LRCH1: variants seen among roughly 807,000 people sequenced by gnomAD.
The protein encoded by LRCH1 is leucine-rich repeat and calponin homology domain-containing protein 1.
LRCH1 carries 23 observed loss-of-function variants against 94.9 expected under a neutral mutation model. The ratio of observed to expected loss-of-function variants is 0.24; its 90% CI spans 0.17 to 0.34. The LOEUF (loss-of-function observed/expected upper bound fraction) is 0.34. Among genes scored for constraint, LRCH1 ranks in the 10% least tolerant of loss-of-function variants. The probability of loss-of-function intolerance (pLI) is 1.00; values close to 1 mark genes in which losing one functional copy is unlikely to be tolerated. For synonymous variants in LRCH1, 364 were observed against 354.9 expected, an observed-to-expected ratio of 1.03 and a Z score of -0.29; for missense variants, 790 against 945.9, an observed-to-expected ratio of 0.84 and a Z score of 2.16.
intron 1 of LRCH1, among the ~76,000 whole-genome samples, chr13:46,572,584 A>G (rs1327697731): frequency 6.6e-6 from 1 of 152,168 alleles, no homozygotes; most frequent in African/African-American, 2.4e-5. Context: ...GACTGTTTTC[A>G]TTATATTGAC....
intron 1 of LRCH1, among the ~76,000 whole-genome samples, chr13:46,603,370 C>G (rs1412914350): frequency 1.3e-5 from 2 of 152,112 alleles, no homozygotes; most frequent in African/African-American, 4.8e-5. Context: ...GCCCCATTCT[C>G]TTTCTGTCAG....
chr13:46,675,217 T>C (rs560949157), intron 3 of LRCH1, among the ~76,000 whole-genome samples: 1 of 152,366 alleles, frequency 6.6e-6, no homozygotes, highest in African/African-American at 2.4e-5. Flanking sequence ...CCATGTGTTA[T>C]AATTAACAGG....
At chr13:46,655,275 G>C (rs2051356460) in intron 2 of LRCH1, among the ~76,000 whole-genome samples, 1 of 152,094 alleles carries the variant, frequency 6.6e-6, no homozygotes, top group South Asian at 2.1e-4. Flanking sequence ...TCCTAAATTA[G>C]AGATAAATTT....
chr13:46,699,410 G>T lies in LRCH1; in HGVS notation c.1313+7G>T. Reference sequence around the variant, plus strand: ...ACTGGCAAACTGAGGGCATGTGAGTGCCGAGGCCTTGGTTACAAGCCATCA... The same window carrying T: ...ACTGGCAAACTGAGGGCATGTGAGTTCCGAGGCCTTGGTTACAAGCCATCA... On this transcript the variant is annotated splice_region_variant and intron_variant, in intron 10 of 19. Transcript: ENST00000389797. 6.2e-7 allele frequency: 1 copy of T among 1,613,368 alleles called. No individual in the cohort carries two copies. Among genetic ancestry groups the T allele is most frequent in the Non-Finnish European group, 8.5e-7 (1 of 1,179,300 alleles).
In LRCH1 at chr13:46,715,524, AAC is replaced by A; in HGVS notation, c.1655-35_1655-34del. 3 of 1,252,652 alleles carry A rather than the reference AAC, an allele frequency of 2.4e-6. No homozygotes were observed. In the South Asian group the frequency reaches 3.8e-5, roughly 16 times the overall value. The allele number at this position is 1,252,652 out of a possible 1,614,324, so 77.6% of individuals were successfully genotyped here. On this transcript the variant is annotated intron_variant, in intron 15 of 19. Coordinates refer to ENST00000389797, the MANE Select transcript of LRCH1 (RefSeq NM_001164211.2). ...CTTTGGTTTTTCCTGGTCCTTGTGC[AAC>A]TGTACGCGGACTGGCTCTCTGGCTC...
At chr13:46,581,510 A>G (rs941187904) in intron 1 of LRCH1, among the ~76,000 whole-genome samples, 2 of 152,250 alleles carry the variant, frequency 1.3e-5, no homozygotes, top group Admixed American at 6.5e-5. Context: ...GACCATGCAC[A>G]GTTCCAAGCA....
At chr13:46,608,722 A>G (rs1418806464) in intron 1 of LRCH1, among the ~76,000 whole-genome samples, 1 of 152,256 alleles carries the variant, frequency 6.6e-6, no homozygotes, top group Non-Finnish European at 1.5e-5. Context: ...TCTCTTGCTA[A>G]AAGAGTTAAT....
chr13:46,605,572 C>T (rs2050678717), intron 1 of LRCH1, among the ~76,000 whole-genome samples: 1 of 152,068 alleles, frequency 6.6e-6, no homozygotes. Flanking sequence ...CATTTTTCTT[C>T]TTCTTTTTTA....
At chr13:46,599,435 A>G (rs1201945251) in intron 1 of LRCH1, among the ~76,000 whole-genome samples, 2 of 152,168 alleles carry the variant, frequency 1.3e-5, no homozygotes, top group Non-Finnish European at 1.5e-5. Flanking sequence ...AATGTTTTCC[A>G]TGGTGGTTCC....
chr13:46,737,576 C>T (rs1167695340), intron 19 of LRCH1, among the ~76,000 whole-genome samples: 1 of 152,224 alleles, frequency 6.6e-6, no homozygotes, highest in African/African-American at 2.4e-5. Flanking sequence ...TTGTAGCTGT[C>T]TTCGACCTCT....
chr13:46,651,618 G>A (rs562286496), intron 2 of LRCH1, among the ~76,000 whole-genome samples: 1 of 149,632 alleles, frequency 6.7e-6, no homozygotes, highest in South Asian at 2.1e-4. Context: ...CCAAGATAGC[G>A]CCATTGCACT....
intron 16 of LRCH1, among the ~76,000 whole-genome samples, chr13:46,719,952 C>T (rs140325656): frequency 0.018 from 2,805 of 152,194 alleles, 39 homozygotes; most frequent in Non-Finnish European, 0.031. Context: ...GAGCCGAGAT[C>T]GTGCCACTGC....
intron 3 of LRCH1, among the ~76,000 whole-genome samples, chr13:46,677,255 C>CAAAAAAAAAAAAA (rs67827727): frequency 1.2e-4 from 12 of 98,040 alleles, no homozygotes; most frequent in Non-Finnish European, 1.7e-4. Flanking sequence ...ACTAAAAATA[C>CAAAAAAAAAAAAA]AAAAAAAAAA....
At position 46,742,798 on chromosome 13, in the gene LRCH1, T is replaced by C. The variant is rs1873735780; in HGVS notation, c.*950T>C. 2.0e-6 allele frequency: 2 copies of C among 985,248 alleles called. No individual in the cohort carries two copies. The highest frequency in any genetic ancestry group is 2.4e-6 in the Non-Finnish European group (2 of 829,900). 61.0% of individuals were successfully genotyped at this position (985,248 alleles called of 1,614,324 possible). A position where few individuals can be genotyped will look rare whatever the true frequency, so the allele number is the denominator to read the frequency against. ...CGTGGAACATTCTTGGTCCTGGTGC[T>C]TGGGTTATGATGGCAGGAGTCAAGA... On this transcript the variant is annotated 3_prime_UTR_variant, in exon 20 of 20. Coordinates refer to ENST00000389797, the MANE Select transcript of LRCH1 (RefSeq NM_001164211.2).
At chr13:46,712,912 C>T (rs1156762900) in intron 15 of LRCH1, among the ~76,000 whole-genome samples, 1 of 152,070 alleles carries the variant, frequency 6.6e-6, no homozygotes, top group South Asian at 2.1e-4. Flanking sequence ...GCTTTGGCCC[C>T]AGTGGTTCCT....
At chr13:46,617,622 G>T (rs991523069) in intron 1 of LRCH1, among the ~76,000 whole-genome samples, 3 of 152,200 alleles carry the variant, frequency 2.0e-5, no homozygotes, top group Non-Finnish European at 4.4e-5. Flanking sequence ...TTCTTTGCTA[G>T]AGGGAATTTG....
rs368443069 is a variant in LRCH1, at chr13:46,706,831, A to G, written c.1527+1527A>G. Among the ~76,000 whole-genome samples, 7 of 152,296 alleles carry G rather than the reference A, an allele frequency of 4.6e-5. No individual in the cohort carries two copies. In the South Asian group the frequency reaches 1.5e-3, roughly 32 times the overall value. On this transcript the variant is annotated intron_variant, in intron 13 of 19. Transcript: ENST00000389797. ...TTGTAAAATTAGATTTACTAGTAAC[A>G]TTTTATCACATTTGTTATATTTGTT...
intron 1 of LRCH1, among the ~76,000 whole-genome samples, chr13:46,581,883 A>G (rs1227206130): frequency 6.6e-6 from 1 of 152,176 alleles, no homozygotes; most frequent in Non-Finnish European, 1.5e-5. Context: ...ACTTTTGGAA[A>G]TTATTTTGGG....
intron 18 of LRCH1, among the ~76,000 whole-genome samples, chr13:46,733,466 A>G (rs561662364): frequency 6.6e-6 from 1 of 152,154 alleles, no homozygotes; most frequent in Non-Finnish European, 1.5e-5. Flanking sequence ...GTTGATGTTT[A>G]TGGTGTACTT....
Sources: gnomAD v4.1 joint callset for allele counts (sites outside exome capture counted in the v4.1 genomes callset) on GRCh38, gnomAD v4.1.1 for gene constraint, MANE v1.5 for transcripts, NCBI Gene and HGNC (gene_info 2026-07-23, HGNC 2026-07-21) for gene names.